Variants in AGMO observed in about 807,000 individuals in gnomAD.
AGMO encodes the protein alkylglycerol monooxygenase, also known as glyceryl-ether monooxygenase.
Under a neutral mutation model 60.2 loss-of-function variants are expected in AGMO, and 75 were observed. The observed-to-expected ratio is 1.25, with a 90% CI of 1.03 to 1.51. The LOEUF is 1.51. AGMO is among the 40% of genes most tolerant of loss of function. The pLI is 0.00. For synonymous variants in AGMO, 261 were observed against 177.1 expected, an observed-to-expected ratio of 1.47 and a Z score of -3.76; for missense variants, 763 against 525.5, an observed-to-expected ratio of 1.45 and a Z score of -4.42.
intron 3 of AGMO, among the ~76,000 whole-genome samples, chr7:15,449,850 A>G (rs1781812124): frequency 6.6e-6 from 1 of 152,204 alleles, no homozygotes; most frequent in African/African-American, 2.4e-5. Flanking sequence ...ACAAAATATG[A>G]ACAACTTAAT....
chr7:15,468,467 G>T (rs898967164), intron 3 of AGMO, among the ~76,000 whole-genome samples: 2 of 152,084 alleles, frequency 1.3e-5, no homozygotes, highest in African/African-American at 4.8e-5. Context: ...ATATGTACAT[G>T]TATAACACAT....
chr7:15,392,727 A>G (rs1276457450), intron 6 of AGMO, among the ~76,000 whole-genome samples: 2 of 152,160 alleles, frequency 1.3e-5, no homozygotes, highest in African/African-American at 4.8e-5. Context: ...TGAACCCGGT[A>G]GGCGGATGTT....
chr7:15,484,975 T>TGAGGTAGG (rs1282170370), intron 3 of AGMO, among the ~76,000 whole-genome samples: 2 of 151,084 alleles, frequency 1.3e-5, no homozygotes, highest in Non-Finnish European at 2.9e-5. Flanking sequence ...AAGAAGTAAA[T>TGAGGTAGG]GAGGTAGGGA....
chr7:15,495,841 TC>T (rs34397507), intron 3 of AGMO, among the ~76,000 whole-genome samples: 25 of 135,854 alleles, frequency 1.8e-4, no homozygotes, highest in East Asian at 1.3e-3. Context: ...TCTCTCTCTC[TC>T]CTCTCTCTCT....
rs201114907 is a variant in AGMO at position 15,512,025 on chromosome 7, G to A, written c.409+32747C>T. Among the ~76,000 whole-genome samples the A allele has an allele frequency of 7.0e-3, 969 of 138,714 alleles. 7 individuals are homozygous for A. Among genetic ancestry groups the A allele is most frequent in the Middle Eastern group, 0.029 (8 of 272 alleles). 91.0% of individuals were successfully genotyped at this position (138,714 alleles called of 152,430 possible). ...AGAGAATACACACAAAAAAAAAAAA[G>A]AAAGAGAAGAGAAAAGAAAATGAAC... On this transcript the variant is annotated intron_variant, in intron 3 of 12. Coordinates refer to ENST00000342526, the MANE Select transcript of AGMO (RefSeq NM_001004320.2).
chr7:15,346,001 A>G (rs1473351399), intron 12 of AGMO, among the ~76,000 whole-genome samples: 2 of 152,154 alleles, frequency 1.3e-5, no homozygotes, highest in Non-Finnish European at 2.9e-5. Context: ...ACAATTATTG[A>G]TCAATATAGC....
intron 5 of AGMO, among the ~76,000 whole-genome samples, chr7:15,413,010 A>G (rs1780658499): frequency 6.6e-6 from 1 of 152,206 alleles, no homozygotes; most frequent in African/African-American, 2.4e-5. Flanking sequence ...GTAAAATAAC[A>G]GTCAATTGAA....
chr7:15,221,631 C>T (rs536588203), intron 12 of AGMO, among the ~76,000 whole-genome samples: 10 of 152,082 alleles, frequency 6.6e-5, no homozygotes, highest in Admixed American at 5.9e-4. Context: ...TGTAGGCACA[C>T]TGGAAATTGT....
At chr7:15,558,019 C>A (rs1192793746) in intron 2 of AGMO, among the ~76,000 whole-genome samples, 1 of 149,476 alleles carries the variant, frequency 6.7e-6, no homozygotes, top group African/African-American at 2.5e-5. Context: ...CTCTCTCTCT[C>A]CCCCCTTTCC....
intron 3 of AGMO, among the ~76,000 whole-genome samples, chr7:15,522,528 G>C (rs1784024756): frequency 6.6e-6 from 1 of 151,926 alleles, no homozygotes; most frequent in South Asian, 2.1e-4. Context: ...CAGAACAGAG[G>C]CCTCAGAAAT....
At chr7:15,340,299 TATC>T (rs1318456455) in intron 12 of AGMO, among the ~76,000 whole-genome samples, 4 of 152,210 alleles carry the variant, frequency 2.6e-5, no homozygotes, top group Non-Finnish European at 4.4e-5. Context: ...CTAGTTGTGG[TATC>T]ATATCAGTAC....
At chr7:15,128,252 A>G in the AGMO span, among the ~76,000 whole-genome samples, 2 of 152,272 alleles carry the variant, frequency 1.3e-5, no homozygotes, top group East Asian at 3.9e-4. Flanking sequence ...TAGACAAAGA[A>G]GCAGCAGCTG....
chr7:15,134,700 C>A, the AGMO span, among the ~76,000 whole-genome samples: 2 of 152,030 alleles, frequency 1.3e-5, no homozygotes, highest in African/African-American at 2.4e-5. Context: ...TCTGGTCTAC[C>A]TTTGATGGGC....
At chr7:15,172,039 C>CT in the AGMO span, among the ~76,000 whole-genome samples, 7 of 151,362 alleles carry the variant, frequency 4.6e-5, no homozygotes, top group South Asian at 2.1e-4. Flanking sequence ...GTGATGTGCT[C>CT]TTTTTTTTTA....
At chr7:15,542,630 C>T (rs1305581520) in intron 3 of AGMO, among the ~76,000 whole-genome samples, 2 of 152,166 alleles carry the variant, frequency 1.3e-5, no homozygotes, top group African/African-American at 4.8e-5. Context: ...CCTTCTGCAA[C>T]ACCCCTTTGT....
At chr7:15,119,418 A>AATC in the AGMO span, among the ~76,000 whole-genome samples, 7 of 152,108 alleles carry the variant, frequency 4.6e-5, no homozygotes, top group South Asian at 2.1e-4. Flanking sequence ...TAATTTCTAC[A>AATC]ATCTTAAATT....
chr7:15,216,833 A>C (rs549269348), intron 12 of AGMO, among the ~76,000 whole-genome samples: 4 of 147,026 alleles, frequency 2.7e-5, no homozygotes, highest in African/African-American at 1.0e-4. Flanking sequence ...TGAAAGAAAA[A>C]GTGTGTGTGT....
chr7:15,339,662 A>T (rs1256828343), intron 12 of AGMO, among the ~76,000 whole-genome samples: 1 of 152,212 alleles, frequency 6.6e-6, no homozygotes. Flanking sequence ...GACTGTTTAC[A>T]GTATCTTTCC....
Position 15,365,114 on chromosome 7 carries a change from A to T in AGMO, c.1263+400T>A, listed in dbSNP as rs1782919581. Among the ~76,000 whole-genome samples, 3 of 152,022 alleles carry T rather than the reference A, an allele frequency of 2.0e-5. No individual in the cohort carries two copies. In the South Asian group the frequency reaches 6.2e-4, roughly 31 times the overall value. ...AATGATTACTTTTTACAGGTAATTGACAAGGAAACTTGATTGCAATTTTCA... is the reference window on the plus strand; with the variant it reads ...AATGATTACTTTTTACAGGTAATTGTCAAGGAAACTTGATTGCAATTTTCA... On this transcript the variant is annotated intron_variant, in intron 12 of 12. Coordinates refer to ENST00000342526, the MANE Select transcript of AGMO (RefSeq NM_001004320.2).
Sources: allele counts gnomAD v4.1 joint callset (sites outside exome capture counted in the v4.1 genomes callset), GRCh38; gene constraint gnomAD v4.1.1; transcripts MANE v1.5; gene names NCBI Gene and HGNC (gene_info 2026-07-23, HGNC 2026-07-21).